Variants in POU2F1 observed in about 807,000 individuals in gnomAD.
The protein encoded by POU2F1 is POU domain, class 2, transcription factor 1.
POU2F1 carries 16 observed loss-of-function variants against 84.9 expected under a neutral mutation model. The ratio of observed to expected loss-of-function variants is 0.19; its 90% CI spans 0.13 to 0.29. The LOEUF is 0.29. POU2F1 is among the 10% of genes least tolerant of loss of function. POU2F1 has a pLI of 1.00. For synonymous variants in POU2F1, 368 were observed against 368.3 expected, an observed-to-expected ratio of 1.00 and a Z score of 0.01; for missense variants, 738 against 942.6, an observed-to-expected ratio of 0.78 and a Z score of 2.84.
intron 13 of POU2F1, among the ~76,000 whole-genome samples, chr1:167,410,016 A>G (rs1276702218): frequency 6.6e-6 from 1 of 152,214 alleles, no homozygotes; most frequent in Non-Finnish European, 1.5e-5. Flanking sequence ...TGCCTAACAC[A>G]GGACCCTACA....
intron 2 of POU2F1, among the ~76,000 whole-genome samples, chr1:167,351,336 C>T (rs139433437): frequency 4.6e-5 from 7 of 151,566 alleles, no homozygotes; most frequent in African/African-American, 1.5e-4. Context: ...ACTTGGGCAA[C>T]AAGAGCGAAA....
chr1:167,379,617 G>C (rs1011882114), intron 7 of POU2F1: 6 of 152,176 alleles, frequency 3.9e-5, no homozygotes, highest in African/African-American at 1.4e-4. Flanking sequence ...CTAGTGGAGA[G>C]TGGTAATCGC....
intron 1 of POU2F1, among the ~76,000 whole-genome samples, chr1:167,310,666 C>T (rs1655405979): frequency 6.6e-6 from 1 of 152,020 alleles, no homozygotes; most frequent in South Asian, 2.1e-4. Flanking sequence ...ATAATTACCA[C>T]GATGACAGAG....
chr1:167,259,047 A>G (rs565898947), intron 1 of POU2F1, among the ~76,000 whole-genome samples: 11 of 152,298 alleles, frequency 7.2e-5, no homozygotes, highest in South Asian at 4.1e-4. Context: ...TGCTGATCTT[A>G]ACCAGGCTTA....
chr1:167,254,202 T>G (rs1216679617), intron 1 of POU2F1, among the ~76,000 whole-genome samples: 1 of 152,252 alleles, frequency 6.6e-6, no homozygotes, highest in Non-Finnish European at 1.5e-5. Flanking sequence ...AAAAAATCTT[T>G]GTAAAATAAT....
rs1650579748 is a variant in POU2F1, at chr1:167,420,480, T to G, written c.*4670T>G. On this transcript the variant is annotated 3_prime_UTR_variant, in exon 16 of 16. Transcript: ENST00000367866. ...CCCATCCTCATGTCAATTTTTAAAG[T>G]GATAAATCCTGATATTATACATTGC... 1 of 152,208 alleles carries G rather than the reference T, an allele frequency of 6.6e-6. No homozygotes were observed. Among genetic ancestry groups the G allele is most frequent in the Admixed American group, 6.6e-5 (1 of 15,266 alleles). The allele number at this position is 152,208 out of a possible 1,614,324, so 9.4% of individuals were successfully genotyped here.
intron 2 of POU2F1, among the ~76,000 whole-genome samples, chr1:167,344,271 G>C (rs182152128): frequency 8.5e-5 from 13 of 152,264 alleles, no homozygotes; most frequent in African/African-American, 3.1e-4. Context: ...GATCAGATGT[G>C]AATCAGACCA....
At chr1:167,404,406 G>A (rs991566573) in intron 13 of POU2F1, among the ~76,000 whole-genome samples, 4 of 152,138 alleles carry the variant, frequency 2.6e-5, no homozygotes, top group African/African-American at 9.7e-5. Flanking sequence ...GGTGAGCTGT[G>A]AATGTGAATA....
chr1:167,320,297 G>A (rs1322888002), intron 1 of POU2F1, among the ~76,000 whole-genome samples: 2 of 152,148 alleles, frequency 1.3e-5, no homozygotes, highest in African/African-American at 4.8e-5. Flanking sequence ...AGGGCGTCTG[G>A]AAAACTTTAC....
chr1:167,369,380 G>C (rs1053525307), intron 3 of POU2F1, among the ~76,000 whole-genome samples: 11 of 152,118 alleles, frequency 7.2e-5, no homozygotes, highest in Admixed American at 3.9e-4. Flanking sequence ...TTTACCCTTT[G>C]TGAGTATCAA....
At chr1:167,384,126 A>T (rs996530977) in intron 8 of POU2F1, among the ~76,000 whole-genome samples, 175 bp downstream of exon 8, 18 of 152,176 alleles carry the variant, frequency 1.2e-4, no homozygotes, top group African/African-American at 4.3e-4. Flanking sequence ...TAGTCTTTGA[A>T]AATCTTCAGA....
chr1:167,367,900 C>T (rs188746232), intron 3 of POU2F1, among the ~76,000 whole-genome samples: 29 of 151,912 alleles, frequency 1.9e-4, no homozygotes, highest in African/African-American at 6.5e-4. Flanking sequence ...TATAGGCGTA[C>T]ACCATGGCAC....
At chr1:167,331,448 T>C (rs1429299181) in intron 1 of POU2F1, among the ~76,000 whole-genome samples, 1 of 152,076 alleles carries the variant, frequency 6.6e-6, no homozygotes, top group African/African-American at 2.4e-5. Context: ...ATATTTGTTC[T>C]CTGTTAATAA....
intron 1 of POU2F1, among the ~76,000 whole-genome samples, chr1:167,232,118 C>T (rs767757646): frequency 1.3e-5 from 2 of 152,188 alleles, no homozygotes; most frequent in African/African-American, 2.4e-5. Context: ...GCCCCTGTGA[C>T]TATGAGCTGT....
At chr1:167,356,011 G>C (rs924696709) in intron 2 of POU2F1, among the ~76,000 whole-genome samples, 8 of 151,726 alleles carry the variant, frequency 5.3e-5, no homozygotes, top group Admixed American at 6.6e-5. Context: ...GCAGTGGCAG[G>C]ATCATGGCTC....
intron 1 of POU2F1, among the ~76,000 whole-genome samples, chr1:167,257,569 A>G (rs1431777354): frequency 1.3e-5 from 2 of 152,232 alleles, no homozygotes; most frequent in African/African-American, 2.4e-5. Context: ...ACTTTTATTA[A>G]AACTATTTGA....
chr1:167,389,839 C>A, intron 9 of POU2F1, 78 bp downstream of exon 9: 1 of 1,486,730 alleles, frequency 6.7e-7, no homozygotes, highest in South Asian at 1.2e-5. Flanking sequence ...TTCATGGATT[C>A]CACATCTGTG....
intron 1 of POU2F1, among the ~76,000 whole-genome samples, chr1:167,255,922 T>A (rs1651096272): frequency 1.3e-5 from 2 of 152,308 alleles, no homozygotes; most frequent in South Asian, 4.1e-4. Context: ...TTACCTTGGA[T>A]AAGAGAAGGT....
At chr1:167,375,475 G>A (rs549864324) in intron 6 of POU2F1, among the ~76,000 whole-genome samples, 50 of 152,084 alleles carry the variant, frequency 3.3e-4, no homozygotes, top group African/African-American at 1.2e-3. Context: ...TTGTTGTTAG[G>A]GATTAAATTT....
Sources: allele counts gnomAD v4.1 joint callset (sites outside exome capture counted in the v4.1 genomes callset), GRCh38; gene constraint gnomAD v4.1.1; transcripts MANE v1.5; gene names NCBI Gene and HGNC (gene_info 2026-07-23, HGNC 2026-07-21).